SCN1B: variants seen among roughly 807,000 people sequenced by gnomAD.
SCN1B encodes sodium channel regulatory subunit beta-1.
In SCN1B, 11 loss-of-function variants were observed where a neutral mutation model predicts 25.7. That is an observed-to-expected ratio of 0.43 (90% CI 0.27 to 0.71). The LOEUF is 0.71. Ranked by LOEUF, SCN1B falls within the 30% of genes least tolerant of loss-of-function variation. SCN1B has a pLI of 0.21. For missense variants in SCN1B, 224 were observed against 291.5 expected (o/e 0.77, Z 1.69); for synonymous variants, 119 against 117.5 (o/e 1.01, Z -0.08).
chr19:35,033,382 T>A, intron 2 of SCN1B, 117 bp from the exon 3 acceptor site: 1 of 1,566,348 alleles, frequency 6.4e-7, no homozygotes, highest in East Asian at 2.3e-5. Context: ...TCAAGGTGTC[T>A]GAGCCCATCT....
Position 35,040,072 on chromosome 19 carries a change from G to T in SCN1B, c.*281G>T, listed in dbSNP as rs2064277751. 3.1e-6 allele frequency: 1 copy of T among 323,346 alleles called. No homozygotes were observed. Among genetic ancestry groups the T allele is most frequent in the Non-Finnish European group, 6.0e-6 (1 of 167,214 alleles). The allele number at this position is 323,346 out of a possible 1,614,324, so 20.0% of individuals were successfully genotyped here. ...TTCTGCTGCCTGTTTGGGGAGGGGG[G>T]CGGTGAGGTGGGGGCAGCGGCCCCG... On this transcript the variant is annotated 3_prime_UTR_variant, in exon 6 of 6. Transcript: ENST00000262631.
At chr19:35,033,982 C>T in intron 3 of SCN1B, 1 of 1,551,352 alleles carries the variant, frequency 6.4e-7, no homozygotes, top group Non-Finnish European at 8.7e-7. Flanking sequence ...GTACAGAACC[C>T]AGCTCTGTCA....
At position 35,030,813 on chromosome 19, in the gene SCN1B, G is replaced by A; in HGVS notation, c.-8G>A. ...CCGGGAGGGGGGCGCAGCACGCGCCGCGCAGCCATGGGGAGGCTGCTGGCC... is the reference window on the plus strand; with the variant it reads ...CCGGGAGGGGGGCGCAGCACGCGCCACGCAGCCATGGGGAGGCTGCTGGCC... On this transcript the variant is annotated 5_prime_UTR_variant, in exon 1 of 6. Transcript: ENST00000262631. 1.8e-6 allele frequency: 2 copies of A among 1,083,380 alleles called. No individual in the cohort carries two copies. Among genetic ancestry groups the A allele is most frequent in the Non-Finnish European group, 2.3e-6 (2 of 853,022 alleles). The allele number at this position is 1,083,380 out of a possible 1,614,324, so 67.1% of individuals were successfully genotyped here. A position where few individuals can be genotyped will look rare whatever the true frequency, so the allele number is the denominator to read the frequency against.
Position 35,039,672 on chromosome 19 carries a change from A to G in SCN1B, c.628A>G (p.Asn210Asp). 1 of 1,614,180 alleles carries G rather than the reference A, an allele frequency of 6.2e-7. No homozygotes were observed. The highest frequency in any genetic ancestry group is 2.2e-5 in the East Asian group (1 of 44,878). Residue 210 changes from asparagine to aspartate, a missense_variant, in exon 5 of 6, where the codon AAC becomes GAC. By Grantham distance (23) the Asn-to-Asp change is conservative. Coordinates refer to ENST00000262631, the MANE Select transcript of SCN1B (RefSeq NM_001037.5). ...YLAITSESKE[N>D]CTGVQVAE is the part of the protein sequence containing the mutation. Reference sequence around the variant, plus strand: ...GGCCATCACCTCTGAAAGCAAAGAGAACTGCACGGGCGTCCAGGTGGCCGA... The same window carrying G: ...GGCCATCACCTCTGAAAGCAAAGAGGACTGCACGGGCGTCCAGGTGGCCGA...
Position 35,032,956 on chromosome 19 carries a change from C to T in SCN1B, c.207+262C>T, listed in dbSNP as rs1019354788. Among the ~76,000 whole-genome samples the T allele has an allele frequency of 2.2e-4, 33 of 152,170 alleles. No homozygotes were observed. The highest frequency in any genetic ancestry group is 6.3e-4 in the African/African-American group (26 of 41,446). On this transcript the variant is annotated intron_variant, in intron 2 of 5. Transcript: ENST00000262631. The surrounding 1 kb of genome is among the most constrained non-coding windows in gnomAD (Gnocchi z 4.3). ...TTTGTGTGAGGACTGAATGCATTGA[C>T]GCACCTGGCACACGGTTGGCATGAA...
chr19:35,030,484 C>G lies in SCN1B; in HGVS notation c.-337C>G, dbSNP rs2064205425. 2 of 172,290 alleles carry G rather than the reference C, an allele frequency of 1.2e-5. No homozygotes were observed. The highest frequency in any genetic ancestry group is 2.3e-5 in the Non-Finnish European group (2 of 85,236). 10.7% of individuals were successfully genotyped at this position (172,290 alleles called of 1,614,324 possible). ...GCCGCCGCTGCAGTGCGCAGGAGAC[C>G]GCGGTCCGCGCCCGAGCGCGCCCGA... On this transcript the variant is annotated 5_prime_UTR_variant, in exon 1 of 6. Transcript: ENST00000262631.
chr19:35,039,466 C>A, intron 4 of SCN1B, 169 bp from the exon 5 acceptor site: 2 of 974,448 alleles, frequency 2.1e-6, no homozygotes, highest in Non-Finnish European at 3.2e-6. Context: ...GGAGCCCAGG[C>A]TCCCAGCCAG....
Position 35,030,480 on chromosome 19 carries a change from A to G in SCN1B, c.-341A>G. 1 of 172,396 alleles carries G rather than the reference A, an allele frequency of 5.8e-6. No individual in the cohort carries two copies. The highest frequency in any genetic ancestry group is 6.5e-5 in the Admixed American group (1 of 15,378). 10.7% of individuals were successfully genotyped at this position (172,396 alleles called of 1,614,324 possible). A position where few individuals can be genotyped will look rare whatever the true frequency, so the allele number is the denominator to read the frequency against. On this transcript the variant is annotated 5_prime_UTR_variant, in exon 1 of 6. Coordinates refer to ENST00000262631, the MANE Select transcript of SCN1B (RefSeq NM_001037.5). ...CGCCGCCGCCGCTGCAGTGCGCAGG[A>G]GACCGCGGTCCGCGCCCGAGCGCGC... is the stretch of plus-strand genomic sequence containing the variant.
intron 3 of SCN1B, chr19:35,034,743 G>T (rs1178814551): frequency 6.5e-6 from 1 of 152,730 alleles, no homozygotes; most frequent in African/African-American, 2.4e-5. Flanking sequence ...CACCCTCTGG[G>T]GTAGGGGCTC....
At chr19:35,039,380 C>G in intron 4 of SCN1B, 122 bp downstream of exon 4, 1 of 1,376,790 alleles carries the variant, frequency 7.3e-7, no homozygotes. Flanking sequence ...TCTCTCAGTA[C>G]TACCCAGAGG....
rs921002164 is a variant in SCN1B, at chr19:35,032,271, A to C, written c.41-257A>C. On this transcript the variant is annotated intron_variant, in intron 1 of 5. Transcript: ENST00000262631. The surrounding 1 kb of genome is among the most constrained non-coding windows in gnomAD (Gnocchi z 4.3). ...CCCACTTATGGGGCCTCCCATGTAC[A>C]AGGCCCTACCTAATGTATGAAAATG... Among the ~76,000 whole-genome samples, 1 of 152,226 alleles carries C rather than the reference A, an allele frequency of 6.6e-6. No homozygotes were observed. Among genetic ancestry groups the C allele is most frequent in the Non-Finnish European group, 1.5e-5 (1 of 68,046 alleles).
At chr19:35,037,826 G>T (rs2064258117) in intron 3 of SCN1B, 1 of 151,970 alleles carries the variant, frequency 6.6e-6, no homozygotes, top group East Asian at 1.9e-4. Context: ...TGGCCTAGTG[G>T]TGCACACTTG....
chr19:35,032,448 G>C lies in SCN1B; in HGVS notation c.41-80G>C, dbSNP rs140219033. The C allele has an allele frequency of 1.3e-6, 2 of 1,533,882 alleles. No individual in the cohort carries two copies. Among genetic ancestry groups the C allele is most frequent in the African/African-American group, 1.4e-5 (1 of 73,590 alleles). On this transcript the variant is annotated intron_variant, in intron 1 of 5. Transcript: ENST00000262631. The surrounding 1 kb of genome is among the most constrained non-coding windows in gnomAD (Gnocchi z 4.3). Reference sequence around the variant, plus strand: ...TGTCTGCTGGTAATCATTGAGGGGGGAACAGATGGTTTGTGAGGGGTCTGG... The same window carrying C: ...TGTCTGCTGGTAATCATTGAGGGGGCAACAGATGGTTTGTGAGGGGTCTGG...
Position 35,039,998 on chromosome 19 carries a change from A to G in SCN1B, c.*207A>G, listed in dbSNP as rs1352649426. 4 of 456,176 alleles carry G rather than the reference A, an allele frequency of 8.8e-6. No homozygotes were observed. The Admixed American group carries it at 1.4e-4, about 16-fold the overall frequency. The allele number at this position is 456,176 out of a possible 1,614,324, so 28.3% of individuals were successfully genotyped here. A position where few individuals can be genotyped will look rare whatever the true frequency, so the allele number is the denominator to read the frequency against. On this transcript the variant is annotated 3_prime_UTR_variant, in exon 6 of 6. Coordinates refer to ENST00000262631, the MANE Select transcript of SCN1B (RefSeq NM_001037.5). ...CCAGCTCCTGCCCCGCCGGCCGCGC[A>G]CCGCCATGCATGATGGGTAAAGCAA...
intron 3 of SCN1B, 115 bp from the exon 4 acceptor site, chr19:35,039,002 T>A: frequency 8.1e-7 from 1 of 1,241,218 alleles, no homozygotes; most frequent in Admixed American, 1.7e-5. Flanking sequence ...TCACAGTGCA[T>A]ACACCAGGCC....
At chr19:35,038,990 A>C in intron 3 of SCN1B, 127 bp from the exon 4 acceptor site, 1 of 1,119,036 alleles carries the variant, frequency 8.9e-7, no homozygotes, top group Non-Finnish European at 1.3e-6. Context: ...GGGTATTAAT[A>C]ATCACAGTGC....
chr19:35,039,930 G>A lies in SCN1B; in HGVS notation c.*139G>A, dbSNP rs2064275993. The A allele has an allele frequency of 1.7e-6, 1 of 595,750 alleles. No homozygotes were observed. Among genetic ancestry groups the A allele is most frequent in the African/African-American group, 1.9e-5 (1 of 53,650 alleles). The allele number at this position is 595,750 out of a possible 1,614,324, so 36.9% of individuals were successfully genotyped here. ...CCTGCCGACGGAGCCACTGGGGTGGGAGGGGGCAGGGGGCTTGGCTCGCAC... is the reference window on the plus strand; with the variant it reads ...CCTGCCGACGGAGCCACTGGGGTGGAAGGGGGCAGGGGGCTTGGCTCGCAC... On this transcript the variant is annotated 3_prime_UTR_variant, in exon 6 of 6. Coordinates refer to ENST00000262631, the MANE Select transcript of SCN1B (RefSeq NM_001037.5).
chr19:35,038,723 A>G (rs2064263230), intron 3 of SCN1B: 1 of 324,432 alleles, frequency 3.1e-6, no homozygotes, highest in African/African-American at 2.1e-5. Context: ...TTTAAAGCAT[A>G]TTTAATTCTC....
intron 2 of SCN1B, 135 bp from the exon 3 acceptor site, chr19:35,033,364 G>A: frequency 6.5e-7 from 1 of 1,528,766 alleles, no homozygotes; most frequent in Non-Finnish European, 8.8e-7. Context: ...TGCCCTCCCT[G>A]CCTGAGGTCA....
Sources: gnomAD v4.1 joint callset for allele counts (sites outside exome capture counted in the v4.1 genomes callset) on GRCh38, gnomAD v4.1.1 for gene constraint, Gnocchi (gnomAD v3.1) non-coding constraint, MANE v1.5 for transcripts, NCBI Gene and HGNC (gene_info 2026-07-23, HGNC 2026-07-21) for gene names.